The following OTUB2 variants were observed in gnomAD, a reference collection of about 807,000 sequenced individuals.
The protein encoded by OTUB2 is OTU deubiquitinase, ubiquitin aldehyde binding 2.
Under a neutral mutation model 25.1 loss-of-function variants are expected in OTUB2, and 21 were observed. The observed-to-expected ratio is 0.84, with a 90% CI of 0.59 to 1.21. The LOEUF (loss-of-function observed/expected upper bound fraction) is 1.21, where lower values mean the gene tolerates loss of function less well. OTUB2 is among the 50% of genes most tolerant of loss of function. The pLI, the probability that OTUB2 is intolerant of heterozygous loss-of-function variation, is 0.00. For missense variants in OTUB2, 283 were observed against 298.0 expected, an observed-to-expected ratio of 0.95 and a Z score of 0.37; for synonymous variants, 122 against 122.8, an observed-to-expected ratio of 0.99 and a Z score of 0.04.
At chr14:94,041,799 C>T (rs1322211015) in intron 3 of OTUB2, among the ~76,000 whole-genome samples, 1 of 152,232 alleles carries the variant, frequency 6.6e-6, no homozygotes, top group Admixed American at 6.5e-5. Flanking sequence ...TGCTTCTGAC[C>T]CGGCTGTGGG....
chr14:94,044,372 C>T (rs913371297), intron 4 of OTUB2, among the ~76,000 whole-genome samples: 4 of 152,248 alleles, frequency 2.6e-5, no homozygotes, highest in African/African-American at 4.8e-5. Flanking sequence ...CGCTCCCAAA[C>T]ATGCCTCTGG....
At chr14:94,027,213 G>A (rs948538758) in intron 1 of OTUB2, among the ~76,000 whole-genome samples, 8 of 152,252 alleles carry the variant, frequency 5.3e-5, no homozygotes, top group Admixed American at 3.3e-4. Context: ...GGCTTGGGCA[G>A]GTGGGGAAAC....
chr14:94,033,932 C>T (rs1567051698), intron 1 of OTUB2, among the ~76,000 whole-genome samples: 1 of 152,134 alleles, frequency 6.6e-6, no homozygotes, highest in Non-Finnish European at 1.5e-5. Flanking sequence ...TTAGAATAGA[C>T]CAAAACATGT....
intron 5 of OTUB2, 109 bp from the exon 6 acceptor site, chr14:94,045,607 G>A (rs942589847): frequency 7.4e-6 from 8 of 1,077,210 alleles, no homozygotes; most frequent in Admixed American, 6.6e-5. Context: ...TGAAGATGAC[G>A]TCCCAGCACA....
chr14:94,045,736 G>A lies in OTUB2; in HGVS notation c.519G>A (p.Thr173=), dbSNP rs375445721. 157 of 1,614,140 alleles carry A rather than the reference G, an allele frequency of 9.7e-5. 2 individuals are homozygous for A. Among genetic ancestry groups the A allele is most frequent in the East Asian group, 4.7e-4 (21 of 44,864 alleles). The change falls in exon 6 of 6, where the codon ACG becomes ACA. Residue 173 remains threonine (T), a synonymous_variant. Coordinates refer to ENST00000203664, the MANE Select transcript of OTUB2 (RefSeq NM_023112.4). ...TGCAGGAAGTAGAGCCCATGGCCAC[G>A]GAGTGTGACCACATCCAGATCACGG... ...FCTHEVEPMA[T]ECDHIQITAL...
chr14:94,035,477 G>A (rs1330931958), intron 1 of OTUB2, among the ~76,000 whole-genome samples: 1 of 151,754 alleles, frequency 6.6e-6, no homozygotes, highest in African/African-American at 2.4e-5. Flanking sequence ...TTTTAGTAGA[G>A]ACGAGGTTTC....
intron 1 of OTUB2, among the ~76,000 whole-genome samples, chr14:94,028,082 A>G (rs1410662273): frequency 6.6e-6 from 1 of 152,214 alleles, no homozygotes; most frequent in Non-Finnish European, 1.5e-5. Context: ...TCTGCTCCCT[A>G]TCTGCCCTGA....
chr14:94,043,931 CTG>C (rs748830668), intron 3 of OTUB2, 38 bp from the exon 4 acceptor site: 6 of 1,564,270 alleles, frequency 3.8e-6, no homozygotes, highest in Non-Finnish European at 5.3e-6. Flanking sequence ...AGCACTCTCG[CTG>C]TGTTTCCCTG....
At chr14:94,034,259 C>T (rs1885010704) in intron 1 of OTUB2, among the ~76,000 whole-genome samples, 1 of 152,174 alleles carries the variant, frequency 6.6e-6, no homozygotes, top group African/African-American at 2.4e-5. Context: ...ACGTCTTGGG[C>T]TAGAAAATGC....
At chr14:94,040,264 G>A (rs1307878759) in intron 3 of OTUB2, among the ~76,000 whole-genome samples, 11 of 152,238 alleles carry the variant, frequency 7.2e-5, no homozygotes, top group Non-Finnish European at 1.6e-4. Context: ...CAGACTGGCA[G>A]AGCCCCTTTT....
At chr14:94,043,054 T>A (rs986476979) in intron 3 of OTUB2, among the ~76,000 whole-genome samples, 2 of 152,102 alleles carry the variant, frequency 1.3e-5, no homozygotes, top group Non-Finnish European at 2.9e-5. Flanking sequence ...TCTAGGCAAA[T>A]ACTCCTCCTT....
intron 1 of OTUB2, among the ~76,000 whole-genome samples, chr14:94,029,833 C>T (rs759146596): frequency 4.6e-5 from 7 of 152,020 alleles, no homozygotes; most frequent in South Asian, 4.2e-4. Context: ...GGGCAGCATG[C>T]GGGTAAACAG....
chr14:94,041,475 TTTC>T (rs1885160877), intron 3 of OTUB2, among the ~76,000 whole-genome samples: 1 of 152,174 alleles, frequency 6.6e-6, no homozygotes, highest in Non-Finnish European at 1.5e-5. Flanking sequence ...CTCTTTATTT[TTTC>T]TTAAGAGATG....
intron 1 of OTUB2, among the ~76,000 whole-genome samples, chr14:94,027,018 C>T (rs922894651): frequency 6.6e-6 from 1 of 152,252 alleles, no homozygotes; most frequent in Non-Finnish European, 1.5e-5. Flanking sequence ...GGCACCAGGT[C>T]GTCTGCTCCG....
chr14:94,040,980 C>A (rs771917410), intron 3 of OTUB2, among the ~76,000 whole-genome samples: 2 of 152,142 alleles, frequency 1.3e-5, no homozygotes, highest in Non-Finnish European at 2.9e-5. Flanking sequence ...CGAGGGATTG[C>A]GCAGCACGGG....
At chr14:94,037,845 G>A (rs989349526) in intron 2 of OTUB2, among the ~76,000 whole-genome samples, 8 of 152,224 alleles carry the variant, frequency 5.3e-5, no homozygotes, top group Admixed American at 5.2e-4. Context: ...TTTAAACCCA[G>A]GCAGCTGAGT....
At position 94,045,875 on chromosome 14, in the gene OTUB2, T is replaced by C; in HGVS notation, c.658T>C (p.Tyr220His). 1 of 1,614,252 alleles carries C rather than the reference T, an allele frequency of 6.2e-7. No individual in the cohort carries two copies. The highest frequency in any genetic ancestry group is 8.5e-7 in the Non-Finnish European group (1 of 1,180,040). ...EAATPSVYLL[Y>H]KTSHYNILYA... ...CGCCACCCCTTCCGTTTACCTGCTC[T>C]ATAAAACATCCCACTACAACATCCT... The change falls in exon 6 of 6, where the codon TAT (tyrosine) becomes CAT (histidine). Residue 220 changes from tyrosine (Y) to histidine (H), a missense_variant. Transcript: ENST00000203664.
chr14:94,044,246 A>G (rs191541067), intron 4 of OTUB2, among the ~76,000 whole-genome samples, 191 bp downstream of exon 4: 37 of 151,994 alleles, frequency 2.4e-4, no homozygotes, highest in African/African-American at 8.9e-4. Context: ...TCTCCACCTC[A>G]TGCCTCCCTA....
chr14:94,026,605 C>T (rs1464844590), intron 1 of OTUB2, 65 bp downstream of exon 1: 1 of 1,066,722 alleles, frequency 9.4e-7, no homozygotes, highest in East Asian at 3.3e-5. Context: ...GGGTCGCTGC[C>T]GGAGCGGGTG....
Sources: gnomAD v4.1 joint callset for allele counts (sites outside exome capture counted in the v4.1 genomes callset) on GRCh38, gnomAD v4.1.1 for gene constraint, MANE v1.5 for transcripts, NCBI Gene and HGNC (gene_info 2026-07-23, HGNC 2026-07-21) for gene names.